STAM: variants seen among roughly 807,000 people sequenced by gnomAD.
The protein encoded by STAM is signal transducing adaptor molecule.
STAM carries 16 observed loss-of-function variants against 63.4 expected under a neutral mutation model. The ratio of observed to expected loss-of-function variants is 0.25; its 90% CI spans 0.17 to 0.38. The LOEUF (loss-of-function observed/expected upper bound fraction) is 0.38. Ranked by LOEUF, STAM falls within the 10% of genes least tolerant of loss-of-function variation. The pLI is 1.00. For missense variants in STAM, 636 were observed against 657.1 expected, an observed-to-expected ratio of 0.97 and a Z score of 0.35; for synonymous variants, 238 against 223.9, an observed-to-expected ratio of 1.06 and a Z score of -0.56.
intron 9 of STAM, 93 bp downstream of exon 9, chr10:17,700,372 GT>G (rs1308670718): frequency 5.1e-6 from 5 of 987,144 alleles, no homozygotes; most frequent in Non-Finnish European, 7.3e-6. Context: ...GAGTTTTTTT[GT>G]TGTAAAAATT....
At chr10:17,651,444 T>A (rs1249262965) in intron 1 of STAM, among the ~76,000 whole-genome samples, 1 of 152,254 alleles carries the variant, frequency 6.6e-6, no homozygotes, top group Non-Finnish European at 1.5e-5. Context: ...TGCAATCAGT[T>A]ACTGTTAAAA....
chr10:17,680,224 G>A (rs1194639430), intron 2 of STAM, among the ~76,000 whole-genome samples: 1 of 151,746 alleles, frequency 6.6e-6, no homozygotes, highest in Non-Finnish European at 1.5e-5. Context: ...AATAAACATA[G>A]CATAAAATTT....
chr10:17,654,898 C>A (rs1481389229), intron 1 of STAM, among the ~76,000 whole-genome samples: 2 of 152,144 alleles, frequency 1.3e-5, no homozygotes, highest in Non-Finnish European at 2.9e-5. Flanking sequence ...TAATGTTGTT[C>A]TCTTATTATT....
intron 2 of STAM, among the ~76,000 whole-genome samples, chr10:17,666,996 A>C (rs1554823476): frequency 6.6e-6 from 1 of 152,208 alleles, no homozygotes; most frequent in Non-Finnish European, 1.5e-5. Flanking sequence ...TGCCCTATGA[A>C]CATTTTGTTT....
At chr10:17,674,797 T>G (rs1156480127) in intron 2 of STAM, among the ~76,000 whole-genome samples, 3 of 152,214 alleles carry the variant, frequency 2.0e-5, no homozygotes, top group African/African-American at 7.2e-5. Flanking sequence ...ATACATAATT[T>G]GCCTGAGGCC....
intron 2 of STAM, among the ~76,000 whole-genome samples, chr10:17,666,282 CAG>C (rs1834371801): frequency 6.6e-6 from 1 of 150,484 alleles, no homozygotes; most frequent in Non-Finnish European, 1.5e-5. Context: ...TTTATTCTAA[CAG>C]AATGAGAAAG....
In STAM at chr10:17,703,313, T is replaced by C. The variant is rs1836100855; in HGVS notation, c.913-1118T>C. 2.0e-5 allele frequency among the ~76,000 whole-genome samples: 3 copies of C among 151,686 alleles called. No individual in the cohort carries two copies. The South Asian group carries it at 6.2e-4, about 31-fold the overall frequency. On this transcript the variant is annotated intron_variant, in intron 9 of 13. Coordinates refer to ENST00000377524, the MANE Select transcript of STAM (RefSeq NM_003473.4). ...GGTATCCATTTCAAAAAAACAGAAT[T>C]ATTTTGACTTGGGAAGAGTTTTTTT...
intron 8 of STAM, among the ~76,000 whole-genome samples, chr10:17,699,527 G>C (rs969059367): frequency 1.3e-5 from 2 of 152,176 alleles, no homozygotes; most frequent in Non-Finnish European, 2.9e-5. Context: ...AGAAATCTGT[G>C]CTTCTGGCCA....
intron 1 of STAM, among the ~76,000 whole-genome samples, chr10:17,652,055 G>A (rs1833762461): frequency 6.6e-6 from 1 of 152,150 alleles, no homozygotes; most frequent in South Asian, 2.1e-4. Context: ...TCCTCTTTTT[G>A]AGTATTAGTG....
At chr10:17,663,087 A>G (rs1388213548) in intron 2 of STAM, among the ~76,000 whole-genome samples, 1 of 152,182 alleles carries the variant, frequency 6.6e-6, no homozygotes, top group Non-Finnish European at 1.5e-5. Flanking sequence ...ACCCCCTTTT[A>G]CAACTATAAA....
intron 9 of STAM, among the ~76,000 whole-genome samples, chr10:17,703,778 A>G (rs1366760181): frequency 6.6e-6 from 1 of 151,998 alleles, no homozygotes; most frequent in African/African-American, 2.4e-5. Flanking sequence ...ACCAACTGAA[A>G]CACTGGTAGA....
chr10:17,712,763 G>A lies in STAM; in HGVS notation c.1386-1780G>A, dbSNP rs144011429. 4.6e-5 allele frequency among the ~76,000 whole-genome samples: 7 copies of A among 152,282 alleles called. No individual in the cohort carries two copies. The South Asian group carries it at 1.5e-3, about 32-fold the overall frequency. On this transcript the variant is annotated intron_variant, in intron 13 of 13. Coordinates refer to ENST00000377524, the MANE Select transcript of STAM (RefSeq NM_003473.4). Reference sequence around the variant, plus strand: ...TGGAAACAGGAAGACAGGAAGTAGAGGCAGTGGATAAAGACAACCCTTTGA... The same window carrying A: ...TGGAAACAGGAAGACAGGAAGTAGAAGCAGTGGATAAAGACAACCCTTTGA...
chr10:17,673,115 G>A, intron 2 of STAM: 1 of 823,708 alleles, frequency 1.2e-6, no homozygotes, highest in Non-Finnish European at 1.5e-6. Context: ...TCTTCTAAGT[G>A]CACGTGCAGA....
chr10:17,694,925 T>C (rs1835689138), intron 6 of STAM, 124 bp from the exon 7 acceptor site: 1 of 794,280 alleles, frequency 1.3e-6, no homozygotes, highest in African/African-American at 1.7e-5. Context: ...TGTATCAGGA[T>C]ATGTTCTAGT....
intron 8 of STAM, among the ~76,000 whole-genome samples, chr10:17,697,899 A>G (rs1268642345): frequency 6.6e-6 from 1 of 152,106 alleles, no homozygotes; most frequent in Admixed American, 6.5e-5. Flanking sequence ...AAACCACAAG[A>G]TGCTTAGGTG....
chr10:17,705,712 A>G lies in STAM; in HGVS notation c.1180A>G (p.Met394Val), dbSNP rs1836232560. 1.9e-6 allele frequency: 3 copies of G among 1,613,072 alleles called. No individual in the cohort carries two copies. The highest frequency in any genetic ancestry group is 1.3e-5 in the African/African-American group (1 of 74,868). The stretch of plus-strand genomic sequence containing the variant: ...AAAGTTACAGAATCAGCCATATTAT[A>G]TGCAGTCATCTGGTGTTTCTGGTTC... ...YAKLQNQPYY[M>V]QSSGVSGSQV... is the part of the protein sequence containing the mutation. The change falls in exon 12 of 14, where the codon ATG (methionine) becomes GTG (valine). Residue 394 changes from methionine (M) to valine (V), a missense_variant. Coordinates refer to ENST00000377524, the MANE Select transcript of STAM (RefSeq NM_003473.4).
chr10:17,654,529 G>T (rs1362418058), intron 1 of STAM, among the ~76,000 whole-genome samples: 1 of 152,050 alleles, frequency 6.6e-6, no homozygotes, highest in Non-Finnish European at 1.5e-5. Context: ...GCTAAACCAG[G>T]TATTATTTAA....
chr10:17,670,232 T>C (rs142228307), intron 2 of STAM, among the ~76,000 whole-genome samples: 262 of 152,334 alleles, frequency 1.7e-3, no homozygotes, highest in African/African-American at 5.9e-3. Context: ...ACAATGATTT[T>C]ACTTTTTTAT....
chr10:17,690,926 G>T (rs537258319), intron 5 of STAM, among the ~76,000 whole-genome samples: 1 of 152,284 alleles, frequency 6.6e-6, no homozygotes, highest in South Asian at 2.1e-4. Flanking sequence ...AATAAAAAGT[G>T]CAGTTCAGAA....
Sources: allele counts gnomAD v4.1 joint callset (sites outside exome capture counted in the v4.1 genomes callset), GRCh38; gene constraint gnomAD v4.1.1; transcripts MANE v1.5; gene names NCBI Gene and HGNC (gene_info 2026-07-23, HGNC 2026-07-21).